The following HEATR4 variants were observed in gnomAD, a reference collection of about 807,000 sequenced individuals.
HEATR4 encodes HEAT repeat containing 4.
In HEATR4, 95 loss-of-function variants were observed where a neutral mutation model predicts 108.8. The observed-to-expected ratio is 0.87, with a 90% CI of 0.74 to 1.04. The LOEUF (loss-of-function observed/expected upper bound fraction) is 1.04, where lower values mean the gene tolerates loss of function less well. HEATR4 is among the 50% of genes least tolerant of loss of function. The pLI is 0.00. For synonymous variants in HEATR4, 443 were observed against 459.4 expected, an observed-to-expected ratio of 0.96 and a Z score of 0.46; for missense variants, 1,152 against 1,253.8, an observed-to-expected ratio of 0.92 and a Z score of 1.23.
At chr14:73,579,010 G>C in the HEATR4 span, among the ~76,000 whole-genome samples, 1 of 150,404 alleles carries the variant, frequency 6.6e-6, no homozygotes, top group Non-Finnish European at 1.5e-5. Flanking sequence ...GCGTGAACCC[G>C]GGATGTGGAG....
At chr14:73,594,019 G>A in the HEATR4 span, 3 of 952,090 alleles carry the variant, frequency 3.2e-6, no homozygotes, top group Non-Finnish European at 4.5e-6. Context: ...GATGTCTTCT[G>A]GAGACTTCCT....
chr14:73,506,927 A>G (rs1261674693), intron 9 of HEATR4, among the ~76,000 whole-genome samples: 1 of 149,720 alleles, frequency 6.7e-6, no homozygotes. Flanking sequence ...CAGCCTCCCA[A>G]GTAGCTGGGA....
At chr14:73,632,636 GA>G in the HEATR4 span, among the ~76,000 whole-genome samples, 2 of 151,954 alleles carry the variant, frequency 1.3e-5, no homozygotes, top group Admixed American at 6.6e-5. Flanking sequence ...CTGAGGTCAG[GA>G]GTTCAAGACC....
intron 17 of HEATR4, among the ~76,000 whole-genome samples, chr14:73,490,447 C>T (rs1431417898): frequency 6.6e-6 from 1 of 152,162 alleles, no homozygotes; most frequent in African/African-American, 2.4e-5. Context: ...CCCGAGTAGC[C>T]GGGACTACAG....
the HEATR4 span, among the ~76,000 whole-genome samples, chr14:73,589,392 T>C: frequency 6.6e-6 from 1 of 152,188 alleles, no homozygotes; most frequent in African/African-American, 2.4e-5. Context: ...TGATCTCAGC[T>C]TACTGCAACC....
At chr14:73,590,407 C>T in the HEATR4 span, among the ~76,000 whole-genome samples, 1 of 152,266 alleles carries the variant, frequency 6.6e-6, no homozygotes, top group Non-Finnish European at 1.5e-5. Flanking sequence ...AGGAGTCCAG[C>T]TGGCTTCACC....
intron 9 of HEATR4, 77 bp downstream of exon 9, chr14:73,508,057 C>G: frequency 1.5e-6 from 2 of 1,377,314 alleles, no homozygotes; most frequent in Non-Finnish European, 2.0e-6. Flanking sequence ...AGCTGCATTT[C>G]AGATTGCTTA....
At chr14:73,600,584 T>C in the HEATR4 span, among the ~76,000 whole-genome samples, 3 of 151,960 alleles carry the variant, frequency 2.0e-5, no homozygotes, top group Non-Finnish European at 4.4e-5. Context: ...CCCAAGTAGC[T>C]GGGATTACAG....
chr14:73,564,726 TTG>T, the HEATR4 span, among the ~76,000 whole-genome samples: 15,975 of 80,604 alleles, frequency 0.2, 3,086 homozygotes, highest in East Asian at 0.52. Context: ...TTTCTGTTTT[TTG>T]TTTTTTTTTT....
the HEATR4 span, among the ~76,000 whole-genome samples, chr14:73,568,908 A>C: frequency 6.6e-6 from 1 of 152,084 alleles, no homozygotes; most frequent in African/African-American, 2.4e-5. Context: ...ATTAGTAATG[A>C]GTGTGAATTA....
chr14:73,479,175 G>T (rs1200626330), intron 17 of HEATR4, among the ~76,000 whole-genome samples: 4 of 151,136 alleles, frequency 2.6e-5, no homozygotes, highest in African/African-American at 9.8e-5. Flanking sequence ...GAGTGCAGTG[G>T]CGCCATCTCG....
At chr14:73,586,645 GC>G in the HEATR4 span, among the ~76,000 whole-genome samples, 223 of 151,152 alleles carry the variant, frequency 1.5e-3, 1 homozygote, top group Non-Finnish European at 1.7e-3. Context: ...GGTGGAGGTT[GC>G]AGTGACCCAA....
At chr14:73,569,391 A>C in the HEATR4 span, 1 of 1,613,960 alleles carries the variant, frequency 6.2e-7, no homozygotes, top group Non-Finnish European at 8.5e-7. Context: ...TCCACAGCTG[A>C]GGCAGGTTGG....
At chr14:73,589,010 A>G in the HEATR4 span, among the ~76,000 whole-genome samples, 1 of 152,198 alleles carries the variant, frequency 6.6e-6, no homozygotes, top group African/African-American at 2.4e-5. Context: ...AAACTTGCAT[A>G]GTTCCCTTAT....
intron 16 of HEATR4, among the ~76,000 whole-genome samples, chr14:73,493,676 G>A (rs1189092737): frequency 6.6e-6 from 1 of 151,912 alleles, no homozygotes; most frequent in Non-Finnish European, 1.5e-5. Flanking sequence ...CATCTCTAGT[G>A]AGAATACAAA....
chr14:73,559,415 T>C (rs568337957), upstream of HEATR4, among the ~76,000 whole-genome samples: 159 of 151,694 alleles, frequency 1.0e-3, no homozygotes, highest in Middle Eastern at 3.4e-3. Flanking sequence ...CCACCACACC[T>C]AGCCTCTTGG....
intron 9 of HEATR4, 46 bp from the exon 10 acceptor site, chr14:73,506,617 A>T: frequency 7.1e-7 from 1 of 1,407,288 alleles, no homozygotes; most frequent in Non-Finnish European, 1.0e-6. Flanking sequence ...TCACTTTTAG[A>T]GATACTAGAA....
At chr14:73,526,695 G>T (rs1888361239) in intron 2 of HEATR4, among the ~76,000 whole-genome samples, 1 of 152,224 alleles carries the variant, frequency 6.6e-6, no homozygotes, top group Admixed American at 6.5e-5. Flanking sequence ...TGCGCCAGAA[G>T]GGAATCCACT....
Position 73,493,096 on chromosome 14 carries a change from G to A in HEATR4, c.2814C>T (p.Ser938=), listed in dbSNP as rs1003215807. ...QDEMVLPRRP[S]EVCDTEAVIK... ...TCACTGCTTCAGTGTCACAAACCTC[G>A]GAAGGTCTTCTAGGAAGAACCATCT... Residue 938 remains serine, a synonymous_variant, in exon 17 of 18, where the codon TCC becomes TCT. Coordinates refer to ENST00000553558, the MANE Select transcript of HEATR4 (RefSeq NM_001220484.1). 2.5e-6 allele frequency: 4 copies of A among 1,610,618 alleles called. No homozygotes were observed. In the East Asian group the frequency reaches 6.7e-5, roughly 27 times the overall value.
Sources: gnomAD v4.1 joint callset for allele counts (sites outside exome capture counted in the v4.1 genomes callset) on GRCh38, gnomAD v4.1.1 for gene constraint, MANE v1.5 for transcripts, NCBI Gene and HGNC (gene_info 2026-07-23, HGNC 2026-07-21) for gene names.